DNHD1: variants seen among roughly 807,000 people sequenced by gnomAD.
DNHD1 encodes the protein dynein heavy chain domain 1.
DNHD1 carries 383 observed loss-of-function variants against 458.1 expected under a neutral mutation model. The ratio of observed to expected loss-of-function variants is 0.84; its 90% CI spans 0.77 to 0.91. The LOEUF is 0.91. DNHD1 is among the 40% of genes least tolerant of loss of function. The pLI is 0.00. For synonymous variants in DNHD1, 2,203 were observed against 2,376.9 expected (o/e 0.93, Z 2.13); for missense variants, 5,336 against 5,866.1 (o/e 0.91, Z 2.95).
Position 6,533,956 on chromosome 11 carries a change from C to T in DNHD1, c.2781C>T (p.Leu927=), listed in dbSNP as rs896204404. The change falls in exon 14 of 43, where the codon CTC becomes CTT. Residue 927 remains leucine, a synonymous_variant. Coordinates refer to ENST00000254579, the MANE Select transcript of DNHD1 (RefSeq NM_144666.3). ...FEKSQASEFL[L]SKRHAIMPKL... ...AAAGCCAGGCTTCAGAGTTCCTGCT[C>T]AGCAAGCGACATGCCATTATGCCCA... 1.3e-6 allele frequency: 2 copies of T among 1,551,386 alleles called. No homozygotes were observed. Among genetic ancestry groups the T allele is most frequent in the Non-Finnish European group, 1.7e-6 (2 of 1,146,932 alleles).
At chr11:6,568,011 T>G (rs1853748683) in intron 36 of DNHD1, 45 bp from the exon 37 acceptor site, 2 of 1,519,332 alleles carry the variant, frequency 1.3e-6, no homozygotes, top group Middle Eastern at 2.2e-4. Context: ...CGGGTCACCC[T>G]AGGATCACTT....
At chr11:6,500,323 A>G (rs1852108416) in intron 3 of DNHD1, among the ~76,000 whole-genome samples, 1 of 152,194 alleles carries the variant, frequency 6.6e-6, no homozygotes, top group Admixed American at 6.5e-5. Context: ...TTTTCTAGAC[A>G]ATGCTTTGCA....
At position 6,538,365 on chromosome 11, in the gene DNHD1, G is replaced by A; in HGVS notation, c.2999-18G>A. 1 of 1,551,494 alleles carries A rather than the reference G, an allele frequency of 6.4e-7. No individual in the cohort carries two copies. The highest frequency in any genetic ancestry group is 1.7e-4 in the Middle Eastern group (1 of 5,986). ...ACACTGCAAGTAGCCCAGGTCTCAA[G>A]TCAGCCCTCCCCCACAGAGGATGAG... is the stretch of plus-strand genomic sequence containing the variant. On this transcript the variant is annotated intron_variant, in intron 14 of 42. Transcript: ENST00000254579.
chr11:6,567,700 T>C lies in DNHD1; in HGVS notation c.12191T>C (p.Leu4064Pro). 1 of 1,613,934 alleles carries C rather than the reference T, an allele frequency of 6.2e-7. No individual in the cohort carries two copies. The highest frequency in any genetic ancestry group is 8.5e-7 in the Non-Finnish European group (1 of 1,179,886). The change falls in exon 36 of 43, where the codon CTG (leucine) becomes CCG (proline). Residue 4064 changes from leucine (L) to proline (P), a missense_variant. Transcript: ENST00000254579. ...CTGGCAGACTTCACCACTAGCCTCC[T>C]GGGTCGGCCCCTGGATGAAAACACG... is the stretch of plus-strand genomic sequence containing the variant. Reference protein sequence around the residue: ...GALADFTTSLLGRPLDENTYA... With the variant: ...GALADFTTSLPGRPLDENTYA...
At chr11:6,502,957 C>A (rs1267281017) in intron 4 of DNHD1, 31 bp downstream of exon 4, 16 of 1,604,630 alleles carry the variant, frequency 1.0e-5, no homozygotes, top group Non-Finnish European at 1.4e-5. Context: ...CCCTTCTCCT[C>A]CCCCTGCCTG....
At chr11:6,506,281 C>T (rs892044672) in intron 4 of DNHD1, among the ~76,000 whole-genome samples, 2 of 152,160 alleles carry the variant, frequency 1.3e-5, no homozygotes, top group Admixed American at 1.3e-4. Context: ...GTTCAGGTCC[C>T]ATACCAAAAA....
At position 6,563,984 on chromosome 11, in the gene DNHD1, G is replaced by C. The variant is rs767264804; in HGVS notation, c.10144G>C (p.Ala3382Pro). 6.4e-7 allele frequency: 1 copy of C among 1,551,726 alleles called. No individual in the cohort carries two copies. Reference protein sequence around the residue: ...QETLEHNLALAKMVEDAQASH... With the variant: ...QETLEHNLALPKMVEDAQASH... ...GACCCTGGAGCATAATTTGGCCCTGGCTAAGATGGTGGAGGATGCCCAAGC... is the reference window on the plus strand; with the variant it reads ...GACCCTGGAGCATAATTTGGCCCTGCCTAAGATGGTGGAGGATGCCCAAGC... Residue 3382 changes from alanine to proline, a missense_variant, in exon 31 of 43, where the codon GCT (alanine) becomes CCT (proline). Ala to Pro is a conservative substitution (Grantham distance 27, BLOSUM62 -1). Coordinates refer to ENST00000254579, the MANE Select transcript of DNHD1 (RefSeq NM_144666.3).
chr11:6,525,582 T>C (rs1852694093), intron 10 of DNHD1, among the ~76,000 whole-genome samples: 1 of 152,256 alleles, frequency 6.6e-6, no homozygotes, highest in South Asian at 2.1e-4. Context: ...CTTGTGTTGA[T>C]GTCTTTCTAG....
chr11:6,551,460 C>T (rs536969780), intron 24 of DNHD1, among the ~76,000 whole-genome samples: 6 of 152,156 alleles, frequency 3.9e-5, no homozygotes, highest in African/African-American at 1.2e-4. Context: ...TAATAAAGAA[C>T]AGAGCAGAAA....
intron 7 of DNHD1, among the ~76,000 whole-genome samples, chr11:6,515,424 C>T (rs1440903264): frequency 6.6e-6 from 1 of 152,074 alleles, no homozygotes; most frequent in African/African-American, 2.4e-5. Flanking sequence ...GAATTTAGTG[C>T]TCACTTCTGT....
chr11:6,502,982 T>C, intron 4 of DNHD1, 56 bp downstream of exon 4: 1 of 1,587,460 alleles, frequency 6.3e-7, no homozygotes, highest in Non-Finnish European at 8.6e-7. Context: ...CCTTCTATGC[T>C]ATCTTCCCCC....
chr11:6,514,080 T>C (rs1198962889), intron 7 of DNHD1, among the ~76,000 whole-genome samples: 2 of 152,072 alleles, frequency 1.3e-5, no homozygotes, highest in African/African-American at 2.4e-5. Context: ...TCTCCTGACC[T>C]CATGATCCAC....
At chr11:6,523,472 C>T (rs1301619194) in intron 10 of DNHD1, among the ~76,000 whole-genome samples, 1 of 152,018 alleles carries the variant, frequency 6.6e-6, no homozygotes, top group Non-Finnish European at 1.5e-5. Context: ...ATATGTTTAA[C>T]AAGAAGCTTT....
chr11:6,554,852 C>A (rs1163296715), intron 24 of DNHD1, among the ~76,000 whole-genome samples: 4 of 152,136 alleles, frequency 2.6e-5, no homozygotes, highest in African/African-American at 9.7e-5. Flanking sequence ...CAGTTTCTTA[C>A]AAAATTAAAT....
rs776973560 is a variant in DNHD1, at chr11:6,511,360, CGAG to C, written c.1327_1329del (p.Glu443del). 1.9e-6 allele frequency: 3 copies of C among 1,614,106 alleles called. No homozygotes were observed. The highest frequency in any genetic ancestry group is 1.7e-6 in the Non-Finnish European group (2 of 1,180,048). Reference sequence around the variant, plus strand: ...TGCTGGACCTGCAGACGGCTCTAGCCGAGGAGAAGCATAAGGCTCTACGGCTGC... The same window carrying C: ...TGCTGGACCTGCAGACGGCTCTAGCCGAGAAGCATAAGGCTCTACGGCTGC... On this transcript the variant is annotated inframe_deletion, in exon 7 of 43. Transcript: ENST00000254579.
chr11:6,502,474 A>G (rs572671840), intron 3 of DNHD1, among the ~76,000 whole-genome samples: 44 of 152,350 alleles, frequency 2.9e-4, no homozygotes, highest in Admixed American at 8.5e-4. Flanking sequence ...GGTAATTCCA[A>G]TCAATCCAGA....
intron 14 of DNHD1, among the ~76,000 whole-genome samples, chr11:6,534,584 C>T (rs898983451): frequency 3.3e-5 from 5 of 152,190 alleles, no homozygotes; most frequent in Non-Finnish European, 7.3e-5. Flanking sequence ...CAGATCACTT[C>T]CTCCAGCCAG....
chr11:6,564,117 A>G lies in DNHD1; in HGVS notation c.10277A>G (p.Gln3426Arg). 6.5e-7 allele frequency: 1 copy of G among 1,547,456 alleles called. No individual in the cohort carries two copies. Among genetic ancestry groups the G allele is most frequent in the Non-Finnish European group, 8.7e-7 (1 of 1,143,786 alleles). The change falls in exon 31 of 43, where the codon CAG becomes CGG. Residue 3426 changes from glutamine (Q) to arginine (R), a missense_variant. Coordinates refer to ENST00000254579, the MANE Select transcript of DNHD1 (RefSeq NM_144666.3). Reference protein sequence around the residue: ...LLTPMRAWTTQLQKLKGRCMT... With the variant: ...LLTPMRAWTTRLQKLKGRCMT... ...ACGCCTATGCGTGCCTGGACTACAC[A>G]GCTCCAGGTAACCATCCCCCTCCCA...
chr11:6,547,987 C>T lies in DNHD1; in HGVS notation c.6852C>T (p.Val2284=). 6.4e-7 allele frequency: 1 copy of T among 1,551,706 alleles called. No homozygotes were observed. Among genetic ancestry groups the T allele is most frequent in the Non-Finnish European group, 8.7e-7 (1 of 1,147,006 alleles). Residue 2284 remains valine (V), a synonymous_variant, in exon 22 of 43, where the codon GTC becomes GTT. Transcript: ENST00000254579. ...AGTGCAGGGAACACTTGCTGGCTGTCAGCAGTTTTCTTTTTGCCTTGATCT... is the reference window on the plus strand; with the variant it reads ...AGTGCAGGGAACACTTGCTGGCTGTTAGCAGTTTTCTTTTTGCCTTGATCT... ...PDKCREHLLA[V]SSFLFALIWG...
Sources: allele counts gnomAD v4.1 joint callset (sites outside exome capture counted in the v4.1 genomes callset), GRCh38; gene constraint gnomAD v4.1.1; transcripts MANE v1.5; gene names NCBI Gene and HGNC (gene_info 2026-07-23, HGNC 2026-07-21).